Variants in HELZ2 observed in about 807,000 individuals in gnomAD.
The protein encoded by HELZ2 is helicase with zinc finger 2, also known as 3'-5' exoribonuclease HELZ2.
Under a neutral mutation model 208.8 loss-of-function variants are expected in HELZ2, and 143 were observed. That is an observed-to-expected ratio of 0.68 (90% CI 0.60 to 0.79). The LOEUF (loss-of-function observed/expected upper bound fraction) is 0.79, where lower values mean the gene tolerates loss of function less well. HELZ2 is among the 30% of genes least tolerant of loss of function. HELZ2 has a pLI of 0.00. For missense variants in HELZ2, 3,690 were observed against 3,794.5 expected (o/e 0.97, Z 0.72); for synonymous variants, 1,705 against 1,693.7 (o/e 1.01, Z -0.16).
exon 8 of HELZ2, chr20:63,563,671 G>A (rs751420697): frequency 6.4e-7 from 1 of 1,570,060 alleles, no homozygotes; most frequent in East Asian, 2.3e-5. Context: ...GATAGCTCTG[G>A]GCAAGTGCGT....
chr20:63,570,465 A>T, intron 3 of HELZ2, 39 bp downstream of exon 4: 1 of 1,556,402 alleles, frequency 6.4e-7, no homozygotes, highest in Non-Finnish European at 8.8e-7. Context: ...CCACTTCCCC[A>T]GGGCTCCCTC....
chr20:63,560,918 G>A (rs377498739), exon 15 of HELZ2: 47 of 1,612,684 alleles, frequency 2.9e-5, no homozygotes, highest in African/African-American at 9.4e-5. Flanking sequence ...TGTGGTCTCC[G>A]AGAAGAACCA....
At chr20:63,570,268 G>C (rs981400492) in intron 3 of HELZ2, 3 of 667,744 alleles carry the variant, frequency 4.5e-6, no homozygotes, top group Non-Finnish European at 8.5e-6. Context: ...CCAAATCCTT[G>C]TTTTAACCCA....
intron 1 of HELZ2, chr20:63,571,077 T>G: frequency 1.9e-6 from 1 of 526,822 alleles, no homozygotes; most frequent in Non-Finnish European, 3.3e-6. Context: ...GCCACATGGC[T>G]TTAGCCCTCA....
At position 63,560,091 on chromosome 20, in the gene HELZ2, G is replaced by A. The variant is rs375888694; in HGVS notation, c.7662C>T (p.Ser2554=). The change falls in exon 18 of 19, where the codon AGC becomes AGT. Residue 2554 remains serine (S), a synonymous_variant. Transcript: ENST00000467148. The stretch of plus-strand genomic sequence containing the variant: ...TGCTCACCAGCACATAGCGCCACTC[G>A]CTCCCTGCGGGATGGGAGGTGAGGC... 130 of 1,592,450 alleles carry A rather than the reference G, an allele frequency of 8.2e-5. No individual in the cohort carries two copies. The East Asian group carries it at 1.0e-3, about 12-fold the overall frequency.
chr20:63,568,975 G>T, exon 5 of HELZ2: 1 of 1,603,042 alleles, frequency 6.2e-7, no homozygotes. Flanking sequence ...CCGTCTTCAG[G>T]AACACCTGGC....
chr20:63,566,202 T>C, exon 8 of HELZ2: 1 of 1,508,054 alleles, frequency 6.6e-7, no homozygotes, highest in South Asian at 1.3e-5. Context: ...GTGTGCACAG[T>C]GCTGAGCACC....
At chr20:63,561,530 G>A in intron 12 of HELZ2, 64 bp from the exon 14 acceptor site, 1 of 1,574,968 alleles carries the variant, frequency 6.3e-7, no homozygotes. Flanking sequence ...AGCTCAGTGA[G>A]ACCCACCTAC....
Position 63,559,352 on chromosome 20 carries a change from C to T in HELZ2, c.7844G>A (p.Arg2615His), listed in dbSNP as rs756848753. The T allele has an allele frequency of 8.8e-6, 14 of 1,598,632 alleles. No homozygotes were observed. The highest frequency in any genetic ancestry group is 6.8e-5 in the Admixed American group (4 of 59,176). The change falls in exon 19 of 19, where the codon CGC (arginine) becomes CAC (histidine). Residue 2615 changes from arginine (R) to histidine (H), a missense_variant. This residue lies in a region of HELZ2 where 2,564 missense variants were observed against 2,580.5 expected (regional missense o/e 0.99). Coordinates refer to ENST00000467148, the Ensembl canonical transcript of HELZ2. ...GAGGCTACGCCAGAGGGGGCAGCAG[C>T]GCAGAAGGAGGTGGTCTCCTGTGAG...
exon 8 of HELZ2, chr20:63,563,692 G>A (rs2146011452): frequency 6.3e-7 from 1 of 1,582,338 alleles, no homozygotes; most frequent in East Asian, 2.3e-5. Flanking sequence ...GCTGGAGGCT[G>A]AAGGCCTGGC....
downstream of HELZ2, chr20:63,558,314 C>A (rs1440629578): frequency 2.0e-5 from 3 of 151,758 alleles, no homozygotes; most frequent in Non-Finnish European, 4.4e-5. Context: ...CACCCCCCAA[C>A]CCCCGAGCCC....
rs770549271 is a variant in HELZ2 at position 63,568,521 on chromosome 20, C to A, written c.1567G>T (p.Val523Leu). The stretch of plus-strand genomic sequence containing the variant: ...GGGCCCCAGCCCGCGATGAGCGCCA[C>A]GGCCAGCTCCTGCTTGCGGTTGCCA... Residue 523 changes from valine (V) to leucine (L), a missense_variant, in exon 5 of 19, where the codon GTG becomes TTG. Physicochemically the swap from Val to Leu is conservative, Grantham distance 32. This residue lies in a region of HELZ2 where 1,119 missense variants were observed against 1,193.4 expected (regional missense o/e 0.94). Transcript: ENST00000467148. 2.3e-5 allele frequency: 36 copies of A among 1,582,468 alleles called. No homozygotes were observed. The East Asian group carries it at 3.4e-4, about 15-fold the overall frequency.
At chr20:63,568,246 A>T in intron 5 of HELZ2, 112 bp downstream of exon 6, 1 of 837,748 alleles carries the variant, frequency 1.2e-6, no homozygotes, top group Non-Finnish European at 2.0e-6. Flanking sequence ...CTGGTCGGCT[A>T]CAGGGAGTGC....
chr20:63,568,861 G>C (rs1250024788), exon 5 of HELZ2: 1 of 1,612,214 alleles, frequency 6.2e-7, no homozygotes, highest in Non-Finnish European at 8.5e-7. Context: ...GGCCCAGCAG[G>C]AAGCCCTGGT....
At chr20:63,561,567 C>T in intron 12 of HELZ2, 34 bp downstream of exon 13, 2 of 1,584,274 alleles carry the variant, frequency 1.3e-6, no homozygotes, top group Admixed American at 1.7e-5. Flanking sequence ...AGCTCGGCCC[C>T]ACTCCGCCCA....
At chr20:63,561,264 C>A (rs754919900) in exon 14 of HELZ2, 3 of 1,612,544 alleles carry the variant, frequency 1.9e-6, no homozygotes, top group Non-Finnish European at 1.7e-6. Context: ...TCCCACAAGA[C>A]CTTCTTGTAC....
At chr20:63,560,592 C>G (rs767144691) in exon 16 of HELZ2, 1 of 1,612,242 alleles carries the variant, frequency 6.2e-7, no homozygotes, top group Non-Finnish European at 8.5e-7. Context: ...GGGCAGCTCT[C>G]CTTGCCAGCG....
At chr20:63,563,661 G>C (rs1331483263) in exon 8 of HELZ2, 2 of 1,563,978 alleles carry the variant, frequency 1.3e-6, no homozygotes, top group East Asian at 4.7e-5. Flanking sequence ...GCCCGCCGCT[G>C]ATAGCTCTGG....
upstream of HELZ2, chr20:63,573,171 G>C (rs2083030835): frequency 6.6e-6 from 1 of 152,198 alleles, no homozygotes; most frequent in Admixed American, 6.5e-5. This position sits in a 1 kb window ranked among gnomAD's most constrained non-coding sequence, Gnocchi z 4.9. Flanking sequence ...TGAGGCTCCT[G>C]AGCTCACGGG....
Sources: gnomAD v4.1 joint callset for allele counts on GRCh38, gnomAD v4.1.1 for gene constraint, gnomAD v4.1.1 regional missense constraint, Gnocchi (gnomAD v3.1) non-coding constraint, MANE v1.5 for transcripts, NCBI Gene and HGNC (gene_info 2026-07-23, HGNC 2026-07-21) for gene names.